Variants in EVL observed in about 807,000 individuals in gnomAD.
EVL encodes the protein ena/VASP-like protein.
EVL carries 21 observed loss-of-function variants against 59.6 expected under a neutral mutation model. The ratio of observed to expected loss-of-function variants is 0.35; its 90% confidence interval spans 0.25 to 0.51. EVL has a LOEUF of 0.51. Among genes scored for constraint, EVL ranks in the 20% least tolerant of loss-of-function variants. EVL has a pLI of 0.97. For synonymous variants in EVL, 198 were observed against 203.5 expected, an observed-to-expected ratio of 0.97 and a Z score of 0.23; for missense variants, 462 against 546.6, an observed-to-expected ratio of 0.85 and a Z score of 1.54.
chr14:100,040,313 C>T (rs1307047418), intron 1 of EVL, among the ~76,000 whole-genome samples: 1 of 152,170 alleles, frequency 6.6e-6, no homozygotes, highest in Non-Finnish European at 1.5e-5. Flanking sequence ...TCACAATCTA[C>T]CATGTAGCTC....
In EVL at chr14:100,127,152, C is replaced by T. The variant is rs1340826828; in HGVS notation, c.487+381C>T. Among the ~76,000 whole-genome samples the T allele has an allele frequency of 6.6e-6, 1 of 152,224 alleles. No homozygotes were observed. Among genetic ancestry groups the T allele is most frequent in the African/African-American group, 2.4e-5 (1 of 41,456 alleles). ...CCCTTGTCATGTCACGTAGTGAACA[C>T]TGTGGCAAGTGACGTGCAGGTGCTG... On this transcript the variant is annotated intron_variant, in intron 5 of 13. Coordinates refer to ENST00000392920, the MANE Select transcript of EVL (RefSeq NM_016337.3). This position sits in a 1 kb window ranked among gnomAD's most constrained non-coding sequence, Gnocchi z 4.2.
intron 3 of EVL, among the ~76,000 whole-genome samples, chr14:100,121,934 G>T (rs1279602292): frequency 6.6e-6 from 1 of 152,212 alleles, no homozygotes; most frequent in Admixed American, 6.5e-5. Context: ...CTGGGACAGG[G>T]ACTCAGCTCC....
chr14:100,071,788 G>A (rs1188482691), intron 1 of EVL, among the ~76,000 whole-genome samples: 1 of 152,126 alleles, frequency 6.6e-6, no homozygotes, highest in African/African-American at 2.4e-5. Flanking sequence ...GAGGATGCAG[G>A]CGTCACTTGA....
rs192466767 is a variant in EVL, at chr14:100,109,296, C to T, written c.358+11638C>T. ...GCCCCTGCCCTCATGCATGTTCTCT[C>T]CATACTCCTGGTCACCTTCTGCTCA... On this transcript the variant is annotated intron_variant, in intron 3 of 13. Transcript: ENST00000392920. The surrounding 1 kb of genome is among the most constrained non-coding windows in gnomAD (Gnocchi z 4.3). The T allele has an allele frequency of 2.9e-5, 10 of 346,076 alleles. No individual in the cohort carries two copies. Among genetic ancestry groups the T allele is most frequent in the Middle Eastern group, 9.1e-4 (1 of 1,100 alleles). 21.4% of individuals were successfully genotyped at this position (346,076 alleles called of 1,614,324 possible).
chr14:100,134,487 G>A (rs1032049810), intron 8 of EVL, among the ~76,000 whole-genome samples: 1 of 152,184 alleles, frequency 6.6e-6, no homozygotes, highest in Non-Finnish European at 1.5e-5. Context: ...GCTACAGCTG[G>A]TTCTTGTTTG....
chr14:100,138,022 G>T lies in EVL; in HGVS notation c.1094+220G>T, dbSNP rs539455174. On this transcript the variant is annotated intron_variant, in intron 11 of 13. Coordinates refer to ENST00000392920, the MANE Select transcript of EVL (RefSeq NM_016337.3). ...AGAGACCAAGGGCAAGGAGGGCAGTGACCTGTCCACAGAGGTAGTGCAGGG... is the reference window on the plus strand; with the variant it reads ...AGAGACCAAGGGCAAGGAGGGCAGTTACCTGTCCACAGAGGTAGTGCAGGG... 5 of 603,266 alleles carry T rather than the reference G, an allele frequency of 8.3e-6. No homozygotes were observed. In the East Asian group the frequency reaches 1.4e-4, roughly 17 times the overall value. The allele number at this position is 603,266 out of a possible 1,614,324, so 37.4% of individuals were successfully genotyped here.
intron 1 of EVL, among the ~76,000 whole-genome samples, chr14:100,059,138 C>G (rs968524717): frequency 6.6e-6 from 1 of 152,158 alleles, no homozygotes; most frequent in Non-Finnish European, 1.5e-5. Context: ...ACAAAAGCAA[C>G]TATGAAACTG....
chr14:100,123,471 A>T, intron 3 of EVL, 68 bp from the exon 4 acceptor site: 1 of 1,511,948 alleles, frequency 6.6e-7, no homozygotes, highest in Admixed American at 1.8e-5. Context: ...GATAGAGAGC[A>T]CTCCAGTTGG....
At position 100,143,779 on chromosome 14, in the gene EVL, C is replaced by G. The variant is rs770820201; in HGVS notation, c.*41C>G. ...GCGCTGATTCGTCGAGCCCATCCGG[C>G]GACAGAGGACAGCCAGAAGCCCAGC... On this transcript the variant is annotated 3_prime_UTR_variant, in exon 14 of 14. Coordinates refer to ENST00000392920, the MANE Select transcript of EVL (RefSeq NM_016337.3). 9 of 1,601,980 alleles carry G rather than the reference C, an allele frequency of 5.6e-6. No individual in the cohort carries two copies. The highest frequency in any genetic ancestry group is 7.7e-6 in the Non-Finnish European group (9 of 1,174,558).
intron 1 of EVL, among the ~76,000 whole-genome samples, chr14:100,021,907 G>A (rs189945811): frequency 7.2e-5 from 11 of 152,196 alleles, no homozygotes; most frequent in African/African-American, 2.6e-4. Context: ...GGGAGGTTTT[G>A]CAGAGCAGTA....
chr14:100,095,534 A>T (rs1053499569), intron 2 of EVL, among the ~76,000 whole-genome samples: 1 of 152,108 alleles, frequency 6.6e-6, no homozygotes, highest in African/African-American at 2.4e-5. Flanking sequence ...CCTTTTTCTG[A>T]TGACCTATAA....
chr14:100,059,913 C>T (rs780679158), intron 1 of EVL, among the ~76,000 whole-genome samples: 1 of 152,134 alleles, frequency 6.6e-6, no homozygotes, highest in Non-Finnish European at 1.5e-5. Flanking sequence ...ATGTATCATA[C>T]AGTATCTAAC....
At chr14:100,015,190 T>C (rs1273883316) in intron 1 of EVL, among the ~76,000 whole-genome samples, 1 of 152,216 alleles carries the variant, frequency 6.6e-6, no homozygotes, top group Non-Finnish European at 1.5e-5. Context: ...CTCTGTTTAT[T>C]GGCCTCCAAG....
intron 3 of EVL, among the ~76,000 whole-genome samples, chr14:100,113,271 G>A (rs374671978): frequency 2.6e-5 from 4 of 152,188 alleles, no homozygotes; most frequent in Non-Finnish European, 5.9e-5. Context: ...GCCTAGAAGG[G>A]CAGGCTTTGA....
At chr14:99,993,140 C>T (rs1329656403) in intron 1 of EVL, among the ~76,000 whole-genome samples, 1 of 151,202 alleles carries the variant, frequency 6.6e-6, no homozygotes, top group Non-Finnish European at 1.5e-5. Flanking sequence ...TCACTGCAAC[C>T]TCTGCCTGCC....
intron 1 of EVL, among the ~76,000 whole-genome samples, chr14:100,081,672 C>T (rs111653052): frequency 0.039 from 5,990 of 152,280 alleles, 134 homozygotes; most frequent in African/African-American, 0.044. Flanking sequence ...TTCACCCCCA[C>T]CTAGTGCTAG....
chr14:99,981,538 G>A (rs2060806638), intron 1 of EVL, among the ~76,000 whole-genome samples: 1 of 152,200 alleles, frequency 6.6e-6, no homozygotes, highest in Non-Finnish European at 1.5e-5. Context: ...AAGAGAATAT[G>A]TGTACTGCCC....
intron 1 of EVL, among the ~76,000 whole-genome samples, chr14:100,075,832 A>G (rs891766409): frequency 1.4e-4 from 21 of 152,236 alleles, no homozygotes; most frequent in African/African-American, 5.1e-4. Flanking sequence ...GTTAATCACC[A>G]TAGAAGTAGA....
In EVL at chr14:100,107,182, C is replaced by G. The variant is rs559717672; in HGVS notation, c.358+9524C>G. Reference sequence around the variant, plus strand: ...CACATCCAGCAGTTTTCCATTAAACCACTGTAGGTCCTCTCAGAACTTACT... The same window carrying G: ...CACATCCAGCAGTTTTCCATTAAACGACTGTAGGTCCTCTCAGAACTTACT... On this transcript the variant is annotated intron_variant, in intron 3 of 13. Transcript: ENST00000392920. 41 of 398,746 alleles carry G rather than the reference C, an allele frequency of 1.0e-4. No homozygotes were observed. The East Asian group carries it at 1.5e-3, about 14-fold the overall frequency. 24.7% of individuals were successfully genotyped at this position (398,746 alleles called of 1,614,324 possible).
Sources: gnomAD v4.1 joint callset for allele counts (sites outside exome capture counted in the v4.1 genomes callset) on GRCh38, gnomAD v4.1.1 for gene constraint, Gnocchi (gnomAD v3.1) non-coding constraint, MANE v1.5 for transcripts, NCBI Gene and HGNC (gene_info 2026-07-23, HGNC 2026-07-21) for gene names.